PIEZO2: variants seen among roughly 807,000 people sequenced by gnomAD.
The protein encoded by PIEZO2 is piezo type mechanosensitive ion channel component 2, also known as piezo-type mechanosensitive ion channel component 2.
PIEZO2 carries 172 observed loss-of-function variants against 337.3 expected under a neutral mutation model. The observed-to-expected ratio is 0.51, with a 90% CI of 0.45 to 0.58. The LOEUF (loss-of-function observed/expected upper bound fraction) is 0.58. Among genes scored for constraint, PIEZO2 ranks in the 20% least tolerant of loss-of-function variants. The pLI is 0.00. For missense variants in PIEZO2, 3,028 were observed against 3,391.3 expected (o/e 0.89, Z 2.66); for synonymous variants, 1,251 against 1,228.5 (o/e 1.02, Z -0.38).
Position 10,951,075 on chromosome 18 carries a change from A to G in PIEZO2, c.286+28460T>C, listed in dbSNP as rs76756001. ...CAAAAATGTAATTCTCTGCAAGTCCAGGTGCTGAAACTACCTGCTGTAACC... is the reference window on the plus strand; with the variant it reads ...CAAAAATGTAATTCTCTGCAAGTCCGGGTGCTGAAACTACCTGCTGTAACC... On this transcript the variant is annotated intron_variant, in intron 3 of 55. Transcript: ENST00000674853. Among the ~76,000 whole-genome samples the G allele has an allele frequency of 1.0e-2, 1,520 of 152,286 alleles. 30 individuals carry two copies. The highest frequency in any genetic ancestry group is 0.034 in the African/African-American group (1,423 of 41,558).
chr18:10,845,907 C>T (rs35004375), intron 7 of PIEZO2, among the ~76,000 whole-genome samples: 9,146 of 152,174 alleles, frequency 0.06, 676 homozygotes, highest in East Asian at 0.19. Flanking sequence ...GCAAACACCA[C>T]GTTAAGAACC....
intron 7 of PIEZO2, among the ~76,000 whole-genome samples, chr18:10,843,413 T>G (rs1258333958): frequency 6.6e-6 from 1 of 152,148 alleles, no homozygotes; most frequent in Non-Finnish European, 1.5e-5. Flanking sequence ...TTTTATACGC[T>G]GTTCTCTTAA....
At chr18:10,718,071 GATTATTTACT>G (rs1181602655) in intron 37 of PIEZO2, 119 bp downstream of exon 37, 25 of 804,698 alleles carry the variant, frequency 3.1e-5, no homozygotes, top group Admixed American at 4.6e-5. Context: ...AAGGGATACT[GATTATTTACT>G]CATAGTCCAG....
intron 2 of PIEZO2, among the ~76,000 whole-genome samples, chr18:11,039,097 A>G (rs2037023241): frequency 6.6e-6 from 1 of 152,244 alleles, no homozygotes. Context: ...AAAAGGGAAC[A>G]GAAAGGAAGG....
At chr18:10,967,073 A>G (rs2034039411) in intron 3 of PIEZO2, among the ~76,000 whole-genome samples, 1 of 136,856 alleles carries the variant, frequency 7.3e-6, no homozygotes, top group Non-Finnish European at 1.5e-5. Flanking sequence ...GCTCAAGTGC[A>G]GTGGTGAGAT....
In PIEZO2 at chr18:10,726,634, T is replaced by TGC. The variant is rs1288957143; in HGVS notation, c.5029+4771_5029+4772dup. 14 of 1,392,560 alleles carry TGC rather than the reference T, an allele frequency of 1.0e-5. No homozygotes were observed. Among genetic ancestry groups the TGC allele is most frequent in the Non-Finnish European group, 1.4e-5 (14 of 1,034,336 alleles). 86.3% of individuals were successfully genotyped at this position (1,392,560 alleles called of 1,614,324 possible). On this transcript the variant is annotated intron_variant, in intron 36 of 55. Transcript: ENST00000674853. The surrounding 1 kb of genome is among the most constrained non-coding windows in gnomAD (Gnocchi z 5.9). ...GGACGCCGACGTGCGCTGGGAGTAC[T>TGC]GCGCGCGCGCCAAGCGCGGCCAGAC...
Position 11,078,280 on chromosome 18 carries a change from A to G in PIEZO2, c.65-12058T>C, listed in dbSNP as rs984224541. On this transcript the variant is annotated intron_variant, in intron 1 of 55. Coordinates refer to ENST00000674853, the MANE Select transcript of PIEZO2 (RefSeq NM_001378183.1). The surrounding 1 kb of genome is among the most constrained non-coding windows in gnomAD (Gnocchi z 5.3). Reference sequence around the variant, plus strand: ...AGTTTCCTACTTTCAAGAACTTAGTAAAAATAGAATTTTTTGTAGACTTTT... The same window carrying G: ...AGTTTCCTACTTTCAAGAACTTAGTGAAAATAGAATTTTTTGTAGACTTTT... 2.0e-5 allele frequency among the ~76,000 whole-genome samples: 3 copies of G among 152,186 alleles called. No homozygotes were observed. The highest frequency in any genetic ancestry group is 4.4e-5 in the Non-Finnish European group (3 of 68,038).
chr18:10,715,999 G>T (rs140256472), intron 37 of PIEZO2, among the ~76,000 whole-genome samples, 183 bp from the exon 38 acceptor site: 14 of 152,328 alleles, frequency 9.2e-5, no homozygotes, highest in Non-Finnish European at 1.8e-4. Context: ...CTTTTGTGGG[G>T]CTTTGCACAC....
At chr18:10,864,920 G>A (rs913483713) in intron 5 of PIEZO2, among the ~76,000 whole-genome samples, 1 of 152,178 alleles carries the variant, frequency 6.6e-6, no homozygotes, top group African/African-American at 2.4e-5. Flanking sequence ...GGGGAGAAGA[G>A]CATCCGTGCA....
rs1047337150 is a variant in PIEZO2, at chr18:11,125,009, T to G, written c.64+23516A>C. Reference sequence around the variant, plus strand: ...TGTAGATCTACCACCTTCTTGATATTTAACCACAAAATAAAAGTTAGATAA... The same window carrying G: ...TGTAGATCTACCACCTTCTTGATATGTAACCACAAAATAAAAGTTAGATAA... On this transcript the variant is annotated intron_variant, in intron 1 of 55. Transcript: ENST00000674853. The surrounding 1 kb of genome is among the most constrained non-coding windows in gnomAD (Gnocchi z 4.4). 3.9e-4 allele frequency among the ~76,000 whole-genome samples: 43 copies of G among 110,330 alleles called. No individual in the cohort carries two copies. Among genetic ancestry groups the G allele is most frequent in the Middle Eastern group, 5.2e-3 (1 of 192 alleles). The allele number at this position is 110,330 out of a possible 152,430, so 72.4% of individuals were successfully genotyped here.
At chr18:11,049,391 C>G (rs2037437191) in intron 2 of PIEZO2, among the ~76,000 whole-genome samples, 1 of 152,150 alleles carries the variant, frequency 6.6e-6, no homozygotes, top group African/African-American at 2.4e-5. Flanking sequence ...GCCTAACTGC[C>G]TAGTACAAGG....
chr18:11,113,812 G>T (rs2039807897), intron 1 of PIEZO2, among the ~76,000 whole-genome samples: 1 of 152,210 alleles, frequency 6.6e-6, no homozygotes, highest in South Asian at 2.1e-4. Flanking sequence ...TGACAAGAAA[G>T]AAAGATCAGA....
chr18:10,673,174 ACT>A lies in PIEZO2; in HGVS notation c.8162-303_8162-302del, dbSNP rs2033854035. Among the ~76,000 whole-genome samples, 2 of 152,122 alleles carry A rather than the reference ACT, an allele frequency of 1.3e-5. No homozygotes were observed. Among genetic ancestry groups the A allele is most frequent in the South Asian group, 4.2e-4 (2 of 4,810 alleles). Reference sequence around the variant, plus strand: ...GCAGCTGAGCTGATAATCCCAAATGACTCTGTAGACATTTAAAAACCCAAATT... The same window carrying A: ...GCAGCTGAGCTGATAATCCCAAATGACTGTAGACATTTAAAAACCCAAATT... On this transcript the variant is annotated intron_variant, in intron 54 of 55. Coordinates refer to ENST00000674853, the MANE Select transcript of PIEZO2 (RefSeq NM_001378183.1). This position sits in a 1 kb window ranked among gnomAD's most constrained non-coding sequence, Gnocchi z 4.8.
chr18:11,036,766 T>C (rs2036935375), intron 2 of PIEZO2, among the ~76,000 whole-genome samples: 1 of 152,184 alleles, frequency 6.6e-6, no homozygotes, highest in Non-Finnish European at 1.5e-5. Flanking sequence ...ATTACTTTGA[T>C]ATCTCCTTGA....
intron 3 of PIEZO2, among the ~76,000 whole-genome samples, chr18:10,917,825 T>C (rs1263504290): frequency 6.6e-6 from 1 of 152,148 alleles, no homozygotes; most frequent in Non-Finnish European, 1.5e-5. Flanking sequence ...GGCACAGAAA[T>C]TGGTGATGAA....
intron 2 of PIEZO2, among the ~76,000 whole-genome samples, chr18:11,005,627 A>T (rs369104303): frequency 2.6e-5 from 4 of 152,106 alleles, no homozygotes; most frequent in African/African-American, 9.7e-5. Context: ...AAGCTCCTTC[A>T]CTCATGCATT....
intron 39 of PIEZO2, among the ~76,000 whole-genome samples, chr18:10,711,912 T>C (rs2035834972): frequency 6.6e-6 from 1 of 152,202 alleles, no homozygotes; most frequent in Non-Finnish European, 1.5e-5. Context: ...CAGTCCATAT[T>C]GGATATATAC....
intron 5 of PIEZO2, among the ~76,000 whole-genome samples, chr18:10,869,141 C>T (rs1236406474): frequency 2.0e-5 from 3 of 152,142 alleles, no homozygotes; most frequent in Non-Finnish European, 2.9e-5. Flanking sequence ...GTGGCAGGTG[C>T]TTTTTATTAG....
Position 10,689,821 on chromosome 18 carries a change from CG to C in PIEZO2, c.7350-20del, listed in dbSNP as rs2034721366. 2.5e-6 allele frequency: 4 copies of C among 1,589,718 alleles called. No homozygotes were observed. The highest frequency in any genetic ancestry group is 3.4e-6 in the Non-Finnish European group (4 of 1,166,414). ...GCGAAACCTGGCAGGAAACACATCT[CG>C]TCAGAGAGACATTCGTGGGTGGCCC... On this transcript the variant is annotated intron_variant, in intron 48 of 55. Coordinates refer to ENST00000674853, the MANE Select transcript of PIEZO2 (RefSeq NM_001378183.1).
Sources: allele counts gnomAD v4.1 joint callset (sites outside exome capture counted in the v4.1 genomes callset), GRCh38; gene constraint gnomAD v4.1.1; non-coding constraint Gnocchi (gnomAD v3.1); transcripts MANE v1.5; gene names NCBI Gene and HGNC (gene_info 2026-07-23, HGNC 2026-07-21).